The following BMPR1B variants were observed in gnomAD, a reference collection of about 807,000 sequenced individuals.
The protein encoded by BMPR1B is bone morphogenetic protein receptor type-1B.
In BMPR1B, 12 loss-of-function variants were observed where a neutral mutation model predicts 59.1. The observed-to-expected ratio is 0.20, with a 90% CI of 0.13 to 0.33. The LOEUF (loss-of-function observed/expected upper bound fraction) is 0.33. Ranked by LOEUF, BMPR1B falls within the 10% of genes least tolerant of loss-of-function variation. The pLI is 1.00. For missense variants in BMPR1B, 550 were observed against 610.9 expected, an observed-to-expected ratio of 0.90 and a Z score of 1.05; for synonymous variants, 237 against 207.3, an observed-to-expected ratio of 1.14 and a Z score of -1.23.
intron 10 of BMPR1B, among the ~76,000 whole-genome samples, chr4:95,145,362 T>G (rs1379465690): frequency 6.6e-6 from 1 of 152,176 alleles, no homozygotes; most frequent in East Asian, 1.9e-4. Flanking sequence ...TTGTCAACCT[T>G]GTTTCTCCCC....
chr4:94,835,848 C>A (rs968242915), intron 1 of BMPR1B, among the ~76,000 whole-genome samples: 3 of 151,136 alleles, frequency 2.0e-5, no homozygotes, highest in South Asian at 2.1e-4. Flanking sequence ...CATGCTGGTG[C>A]GCTGCACCCA....
intron 1 of BMPR1B, among the ~76,000 whole-genome samples, chr4:94,862,412 A>G (rs774777498): frequency 2.8e-4 from 42 of 151,464 alleles, no homozygotes; most frequent in Non-Finnish European, 4.4e-4. Context: ...CCACCTCCCA[A>G]AGTGCTGGGA....
intron 2 of BMPR1B, among the ~76,000 whole-genome samples, chr4:94,931,807 A>T: frequency 6.6e-6 from 1 of 152,078 alleles, no homozygotes; most frequent in East Asian, 1.9e-4. Flanking sequence ...ACCCTGTCTC[A>T]TCTGTTTTCC....
chr4:95,074,031 G>A (rs529296332), intron 3 of BMPR1B, among the ~76,000 whole-genome samples: 144 of 151,946 alleles, frequency 9.5e-4, no homozygotes, highest in Non-Finnish European at 2.1e-4. Flanking sequence ...AGGAGTTTGA[G>A]TAATATAGAC....
At chr4:94,871,775 T>C (rs1726508454) in intron 1 of BMPR1B, among the ~76,000 whole-genome samples, 2 of 152,238 alleles carry the variant, frequency 1.3e-5, no homozygotes, top group African/African-American at 4.8e-5. Flanking sequence ...CAACTTAGTT[T>C]ACTACCTATA....
chr4:94,935,299 G>GA (rs1440339853), intron 2 of BMPR1B, among the ~76,000 whole-genome samples: 1 of 151,990 alleles, frequency 6.6e-6, no homozygotes, highest in Non-Finnish European at 1.5e-5. Flanking sequence ...TGAACTCATG[G>GA]AGGTACCAAA....
intron 3 of BMPR1B, among the ~76,000 whole-genome samples, chr4:95,023,647 A>G (rs964865720): frequency 6.6e-6 from 1 of 152,080 alleles, no homozygotes. Context: ...TTAGCCTCCT[A>G]AAGTGCTGAG....
intron 2 of BMPR1B, among the ~76,000 whole-genome samples, chr4:94,984,635 T>C (rs1455618627): frequency 6.6e-6 from 1 of 152,218 alleles, no homozygotes; most frequent in Non-Finnish European, 1.5e-5. Context: ...GGACATATTT[T>C]TATCGTGTTT....
At chr4:94,947,730 C>T (rs528745649) in intron 2 of BMPR1B, among the ~76,000 whole-genome samples, 24 of 152,238 alleles carry the variant, frequency 1.6e-4, no homozygotes, top group African/African-American at 4.6e-4. Context: ...GATTTACTTA[C>T]GTATTGTCTG....
chr4:94,947,382 A>G (rs562834623), intron 2 of BMPR1B, among the ~76,000 whole-genome samples: 115 of 152,350 alleles, frequency 7.5e-4, no homozygotes, highest in African/African-American at 2.6e-3. Context: ...GGGTAAAGCG[A>G]AAGACTGGAT....
chr4:94,808,749 A>G (rs1314180389), intron 1 of BMPR1B, among the ~76,000 whole-genome samples: 1 of 152,144 alleles, frequency 6.6e-6, no homozygotes, highest in African/African-American at 2.4e-5. Flanking sequence ...TTTTGTTAAT[A>G]TACTAATAAT....
chr4:95,050,125 A>G (rs1380749088), intron 3 of BMPR1B, among the ~76,000 whole-genome samples: 2 of 152,152 alleles, frequency 1.3e-5, no homozygotes, highest in Non-Finnish European at 2.9e-5. Context: ...AGAAGGTTTA[A>G]AAAGCAGATT....
intron 2 of BMPR1B, among the ~76,000 whole-genome samples, chr4:94,914,336 T>G (rs981765698): frequency 6.6e-6 from 1 of 152,168 alleles, no homozygotes; most frequent in Non-Finnish European, 1.5e-5. Flanking sequence ...AGTTTGGTTT[T>G]GTAATATTGG....
At chr4:94,911,925 T>G (rs1290969115) in intron 2 of BMPR1B, among the ~76,000 whole-genome samples, 1 of 152,146 alleles carries the variant, frequency 6.6e-6, no homozygotes, top group Non-Finnish European at 1.5e-5. Flanking sequence ...TAGCCCTTTT[T>G]CATGCTGCTT....
At chr4:95,138,642 T>G (rs1269756067) in intron 10 of BMPR1B, among the ~76,000 whole-genome samples, 1 of 152,192 alleles carries the variant, frequency 6.6e-6, no homozygotes, top group Non-Finnish European at 1.5e-5. Context: ...CTCTTCTCAC[T>G]TCATTTCATT....
intron 3 of BMPR1B, among the ~76,000 whole-genome samples, chr4:95,092,360 T>C (rs939766166): frequency 2.0e-5 from 3 of 152,030 alleles, no homozygotes; most frequent in Non-Finnish European, 2.9e-5. Flanking sequence ...TAAAAGCACA[T>C]GGGTGGCACT....
At chr4:94,777,794 G>A (rs1369103956) in intron 1 of BMPR1B, among the ~76,000 whole-genome samples, 3 of 152,080 alleles carry the variant, frequency 2.0e-5, no homozygotes, top group African/African-American at 7.2e-5. Flanking sequence ...GGGAGGCTGA[G>A]GTGGATGGAT....
At chr4:94,811,743 A>G (rs550857863) in intron 1 of BMPR1B, among the ~76,000 whole-genome samples, 2 of 152,266 alleles carry the variant, frequency 1.3e-5, no homozygotes, top group South Asian at 4.1e-4. Context: ...TTGAATCCAA[A>G]TATTTTCTCT....
intron 1 of BMPR1B, among the ~76,000 whole-genome samples, chr4:94,780,187 C>T (rs1002548323): frequency 7.9e-5 from 12 of 152,058 alleles, no homozygotes; most frequent in Non-Finnish European, 1.0e-4. Context: ...TACTCCCAAC[C>T]GCACTAGCCC....
Sources: gnomAD v4.1 joint callset for allele counts (sites outside exome capture counted in the v4.1 genomes callset) on GRCh38, gnomAD v4.1.1 for gene constraint, MANE v1.5 for transcripts, NCBI Gene and HGNC (gene_info 2026-07-23, HGNC 2026-07-21) for gene names.